TRIM14: variants seen among roughly 807,000 people sequenced by gnomAD.
The protein encoded by TRIM14 is tripartite motif-containing protein 14.
Under a neutral mutation model 44.5 loss-of-function variants are expected in TRIM14, and 28 were observed. The ratio of observed to expected loss-of-function variants is 0.63; its 90% CI spans 0.47 to 0.86. TRIM14 has a LOEUF of 0.86. TRIM14 is among the 40% of genes least tolerant of loss of function. The pLI is 0.00. For missense variants in TRIM14, 607 were observed against 611.1 expected, an observed-to-expected ratio of 0.99 and a Z score of 0.07; for synonymous variants, 299 against 269.2, an observed-to-expected ratio of 1.11 and a Z score of -1.08.
At chr9:98,066,989 T>C (rs1037106756), downstream of TRIM14, among the ~76,000 whole-genome samples, 4 of 152,216 alleles carry the variant, frequency 2.6e-5, no homozygotes, top group Non-Finnish European at 5.9e-5. Flanking sequence ...ATTCTGGATA[T>C]TGCATATAAA....
the TRIM14 span, chr9:98,060,955 C>T: frequency 1.8e-4 from 283 of 1,614,074 alleles, no homozygotes; most frequent in Middle Eastern, 6.7e-4. Flanking sequence ...AGAGGTACGC[C>T]GAGGAGGTTG....
chr9:98,073,092 G>A (rs1448941971), intron 6 of TRIM14, among the ~76,000 whole-genome samples: 1 of 152,008 alleles, frequency 6.6e-6, no homozygotes, highest in Non-Finnish European at 1.5e-5. Flanking sequence ...GGTGACTCCT[G>A]AGGGACATGC....
chr9:98,092,848 A>T (rs894576237), intron 4 of TRIM14, among the ~76,000 whole-genome samples: 1 of 151,996 alleles, frequency 6.6e-6, no homozygotes, highest in Non-Finnish European at 1.5e-5. Flanking sequence ...TCTGTCCCTA[A>T]ATCTTCTTCC....
At position 98,086,609 on chromosome 9, in the gene TRIM14, C is replaced by A. The variant is rs901294249; in HGVS notation, c.*861G>T. 1 of 152,182 alleles carries A rather than the reference C, an allele frequency of 6.6e-6. No individual in the cohort carries two copies. The highest frequency in any genetic ancestry group is 2.1e-4 in the South Asian group (1 of 4,830). 9.4% of individuals were successfully genotyped at this position (152,182 alleles called of 1,614,324 possible). ...GTGAGATTCTTGTTCCTTGGTTAGACTTCCTGGCGCAGGTAAGCCTGCGGA... is the reference window on the plus strand; with the variant it reads ...GTGAGATTCTTGTTCCTTGGTTAGAATTCCTGGCGCAGGTAAGCCTGCGGA... On this transcript the variant is annotated 3_prime_UTR_variant, in exon 6 of 6. Coordinates refer to ENST00000341469, the MANE Select transcript of TRIM14 (RefSeq NM_014788.4).
chr9:98,078,612 G>A (rs554407875), intron 6 of TRIM14, among the ~76,000 whole-genome samples: 11 of 152,176 alleles, frequency 7.2e-5, no homozygotes, highest in African/African-American at 2.6e-4. Flanking sequence ...GAGGTGGGCA[G>A]ATCACCTGAG....
the TRIM14 span, among the ~76,000 whole-genome samples, chr9:98,046,768 A>G: frequency 6.6e-6 from 1 of 152,138 alleles, no homozygotes; most frequent in Non-Finnish European, 1.5e-5. Context: ...AAAGATTTCC[A>G]TATTTTTATT....
chr9:98,110,306 T>C, intron 1 of TRIM14: 1 of 341,704 alleles, frequency 2.9e-6, no homozygotes, highest in Non-Finnish European at 5.6e-6. Context: ...CAGCTTGGGG[T>C]CTGGGAAAGA....
chr9:98,116,176 C>G (rs1337459161), intron 1 of TRIM14: 1 of 151,884 alleles, frequency 6.6e-6, no homozygotes, highest in African/African-American at 2.4e-5. Context: ...GTGGTGCACA[C>G]CTGTAGTTCC....
chr9:98,056,355 T>G, the TRIM14 span, among the ~76,000 whole-genome samples: 1 of 152,218 alleles, frequency 6.6e-6, no homozygotes, highest in Non-Finnish European at 1.5e-5. Context: ...GATCCAGCTC[T>G]GTGATTCTAA....
At chr9:98,072,413 AT>A (rs1004255694) in intron 6 of TRIM14, among the ~76,000 whole-genome samples, 1,604 of 132,074 alleles carry the variant, frequency 0.012, 14 homozygotes, top group African/African-American at 0.034. Context: ...GGGAAAGTGC[AT>A]TTTTTTTTTT....
chr9:98,111,854 C>T (rs1826866169), intron 1 of TRIM14, among the ~76,000 whole-genome samples: 1 of 152,196 alleles, frequency 6.6e-6, no homozygotes, highest in African/African-American at 2.4e-5. Context: ...AGGAGAATCA[C>T]TTGAACCCAG....
At chr9:98,114,373 G>A (rs548973816) in intron 1 of TRIM14, among the ~76,000 whole-genome samples, 15 of 151,646 alleles carry the variant, frequency 9.9e-5, no homozygotes, top group Middle Eastern at 3.4e-3. Context: ...TCATTCTGTC[G>A]CCCAGGCTGG....
intron 2 of TRIM14, among the ~76,000 whole-genome samples, chr9:98,101,395 G>C (rs187796035): frequency 1.3e-5 from 2 of 151,886 alleles, no homozygotes; most frequent in East Asian, 3.9e-4. Context: ...TTGGTACTTC[G>C]CTTTTAGAGG....
intron 2 of TRIM14, among the ~76,000 whole-genome samples, chr9:98,108,001 G>C (rs1826687271): frequency 6.6e-6 from 1 of 151,784 alleles, no homozygotes; most frequent in African/African-American, 2.4e-5. Flanking sequence ...TGATGGAATA[G>C]CCTGCATTTT....
At chr9:98,064,017 T>A in the TRIM14 span, among the ~76,000 whole-genome samples, 1,443 of 152,326 alleles carry the variant, frequency 9.5e-3, 21 homozygotes, top group African/African-American at 0.033. Flanking sequence ...GACTTCTGAC[T>A]CTGTGCCACT....
In TRIM14 at chr9:98,100,120, A is replaced by T; in HGVS notation, c.348T>A (p.Thr116=). 6.2e-7 allele frequency: 1 copy of T among 1,614,230 alleles called. No homozygotes were observed. The highest frequency in any genetic ancestry group is 2.2e-5 in the East Asian group (1 of 44,888). ...CTTCGTCAAGTAGTAATCTGAGTTC[A>T]GTGAATTTCCCCTTCAGCCAGGTTT... ...SSKTWLKGKF[T]ELRLLLDEEE... Residue 116 remains threonine, a synonymous_variant, in exon 3 of 6, where the codon ACT becomes ACA. Transcript: ENST00000341469.
chr9:98,047,826 G>A, the TRIM14 span, among the ~76,000 whole-genome samples: 2 of 151,984 alleles, frequency 1.3e-5, no homozygotes, highest in African/African-American at 2.4e-5. Context: ...AGCACTTTGA[G>A]GGGGTCAAGG....
chr9:98,056,900 G>T, the TRIM14 span: 1 of 1,610,912 alleles, frequency 6.2e-7, no homozygotes, highest in African/African-American at 1.3e-5. Context: ...AACCACCAGG[G>T]CGACCTGGAC....
the TRIM14 span, among the ~76,000 whole-genome samples, chr9:98,059,169 G>A: frequency 6.6e-6 from 1 of 151,876 alleles, no homozygotes; most frequent in African/African-American, 2.4e-5. Flanking sequence ...GATTACAGGT[G>A]CCCACCACCA....
Sources: gnomAD v4.1 joint callset for allele counts (sites outside exome capture counted in the v4.1 genomes callset) on GRCh38, gnomAD v4.1.1 for gene constraint, MANE v1.5 for transcripts, NCBI Gene and HGNC (gene_info 2026-07-23, HGNC 2026-07-21) for gene names.